Variants in GOSR1 observed in about 807,000 individuals in gnomAD.
The protein encoded by GOSR1 is 28 kDa Golgi SNARE protein.
A neutral mutation model predicts 35.5 loss-of-function variants in GOSR1; 21 were observed. The observed-to-expected ratio is 0.59, with a 90% CI of 0.42 to 0.85. GOSR1 has a LOEUF of 0.85. GOSR1 is among the 40% of genes least tolerant of loss of function. The pLI is 0.00. For synonymous variants in GOSR1, 94 were observed against 106.6 expected, an observed-to-expected ratio of 0.88 and a Z score of 0.73; for missense variants, 285 against 309.6, an observed-to-expected ratio of 0.92 and a Z score of 0.60.
In GOSR1 at chr17:30,521,344, G is replaced by A. The variant is rs939407634; in HGVS notation, c.623-910G>A. Among the ~76,000 whole-genome samples the A allele has an allele frequency of 9.9e-5, 15 of 151,140 alleles. 1 individual carries two copies. The highest frequency in any genetic ancestry group is 6.6e-4 in the Admixed American group (10 of 15,182). ...ACTACAGACACGTGCCACCATGCCC[G>A]GCTAATTTTTGTATGTTTTGTAGAG... is the stretch of plus-strand genomic sequence containing the variant. On this transcript the variant is annotated intron_variant, in intron 8 of 8. Transcript: ENST00000451249.
chr17:30,515,764 T>G (rs1262642410), intron 7 of GOSR1, among the ~76,000 whole-genome samples: 1 of 152,198 alleles, frequency 6.6e-6, no homozygotes, highest in Non-Finnish European at 1.5e-5. Flanking sequence ...TTTTTGTTTG[T>G]TTTAGTTTTA....
intron 6 of GOSR1, among the ~76,000 whole-genome samples, chr17:30,497,139 T>C (rs1967034265): frequency 1.3e-5 from 2 of 152,344 alleles, no homozygotes; most frequent in South Asian, 4.1e-4. Context: ...CTGTAAAGCC[T>C]GTAATCTCCG....
rs574134219 is a variant in GOSR1, at chr17:30,492,940, CT to C, written c.509+188del. Among the ~76,000 whole-genome samples, 259 of 152,082 alleles carry C rather than the reference CT, an allele frequency of 1.7e-3. 2 individuals are homozygous for C. Among genetic ancestry groups the C allele is most frequent in the Non-Finnish European group, 2.9e-3 (196 of 67,986 alleles). On this transcript the variant is annotated intron_variant, in intron 6 of 8. Coordinates refer to ENST00000451249, the MANE Select transcript of GOSR1 (RefSeq NM_001007025.2). ...GTTCCAACCATAATTAGGAAAGATC[CT>C]ATGCTGTTGAATATTTCACATCACT...
rs1234695068 is a variant in GOSR1 at position 30,484,213 on chromosome 17, G to A, written c.147-1G>A. The stretch of plus-strand genomic sequence containing the variant: ...TCCTCTTTAACTGAACTTCTTTTTA[G>A]TTCTGATACAACACCCCTTTTAAAT... On this transcript the variant is annotated splice_acceptor_variant, in intron 2 of 8. Transcript: ENST00000451249. LOFTEE classifies it high-confidence loss of function. The A allele has an allele frequency of 1.8e-5, 28 of 1,563,266 alleles. No homozygotes were observed. The highest frequency in any genetic ancestry group is 2.5e-5 in the Non-Finnish European group (28 of 1,134,036).
chr17:30,492,522 C>T (rs79447635), intron 5 of GOSR1, among the ~76,000 whole-genome samples, 157 bp from the exon 6 acceptor site: 1,917 of 152,316 alleles, frequency 0.013, 36 homozygotes, highest in African/African-American at 0.044. Context: ...AAATAGATAA[C>T]ATTTTTCAGA....
chr17:30,484,526 CTTGTTTG>C, intron 3 of GOSR1, 130 bp from the exon 4 acceptor site: 1 of 584,498 alleles, frequency 1.7e-6, no homozygotes, highest in Admixed American at 3.6e-5. Flanking sequence ...TACTTGCTCT[CTTGTTTG>C]TTTTTTGTTT....
At chr17:30,501,838 T>C (rs1967222532) in intron 6 of GOSR1, among the ~76,000 whole-genome samples, 1 of 152,248 alleles carries the variant, frequency 6.6e-6, no homozygotes, top group African/African-American at 2.4e-5. Flanking sequence ...CCATACATTC[T>C]AGCAGTCATG....
intron 4 of GOSR1, among the ~76,000 whole-genome samples, chr17:30,486,639 A>G (rs2143650032): frequency 6.6e-6 from 1 of 152,354 alleles, no homozygotes; most frequent in South Asian, 2.1e-4. Context: ...GTTAGAAACA[A>G]TTAAATTCAG....
At chr17:30,488,559 AG>A in intron 4 of GOSR1, among the ~76,000 whole-genome samples, 1 of 146,970 alleles carries the variant, frequency 6.8e-6, no homozygotes, top group South Asian at 2.1e-4. Context: ...TTTGAAACAG[AG>A]TCTCGCTCTG....
At chr17:30,478,997 C>T (rs556609655) in intron 1 of GOSR1, 1 of 152,272 alleles carries the variant, frequency 6.6e-6, no homozygotes, top group South Asian at 2.1e-4. Flanking sequence ...CTGCTGTAAG[C>T]ATATGATTAC....
chr17:30,521,387 T>C (rs781665125), intron 8 of GOSR1, among the ~76,000 whole-genome samples: 4 of 151,814 alleles, frequency 2.6e-5, no homozygotes, highest in Admixed American at 2.6e-4. Context: ...TTCACCATGT[T>C]GCCCAGGCGA....
intron 7 of GOSR1, among the ~76,000 whole-genome samples, chr17:30,515,701 C>T (rs193247405): frequency 6.6e-6 from 1 of 152,290 alleles, no homozygotes; most frequent in African/African-American, 2.4e-5. Context: ...TTGCTTGACT[C>T]ATAATTTTAT....
chr17:30,512,644 G>A (rs577742810), intron 7 of GOSR1, among the ~76,000 whole-genome samples: 114 of 152,310 alleles, frequency 7.5e-4, no homozygotes, highest in African/African-American at 2.6e-3. Context: ...CCTGAAGAAA[G>A]TTTTCACAGA....
At chr17:30,484,128 G>A (rs1914523469) in intron 2 of GOSR1, 86 bp from the exon 3 acceptor site, 7 of 750,478 alleles carry the variant, frequency 9.3e-6, no homozygotes, top group South Asian at 5.9e-5. Context: ...TCATTTTATG[G>A]CTCCTATTAA....
At chr17:30,515,136 G>C (rs987255073) in intron 7 of GOSR1, among the ~76,000 whole-genome samples, 2 of 151,994 alleles carry the variant, frequency 1.3e-5, no homozygotes, top group African/African-American at 4.8e-5. Flanking sequence ...GACTCCAAAA[G>C]AGGATGAGCT....
At chr17:30,492,560 A>T in intron 5 of GOSR1, 119 bp from the exon 6 acceptor site, 1 of 624,792 alleles carries the variant, frequency 1.6e-6, no homozygotes, top group Non-Finnish European at 2.9e-6. Flanking sequence ...ATGTACTTTC[A>T]TTGTTCATTC....
chr17:30,485,801 C>G lies in GOSR1; in HGVS notation c.342+1031C>G, dbSNP rs944859500. On this transcript the variant is annotated intron_variant, in intron 4 of 8. Transcript: ENST00000451249. The stretch of plus-strand genomic sequence containing the variant: ...CTTTGGGAGGCCAAGGCAGGTGGAT[C>G]ACCTGAGGTCAGGAGTTGGAGACCA... Among the ~76,000 whole-genome samples, 15 of 152,280 alleles carry G rather than the reference C, an allele frequency of 9.9e-5. 1 individual carries two copies. Among genetic ancestry groups the G allele is most frequent in the Admixed American group, 5.2e-4 (8 of 15,294 alleles).
intron 7 of GOSR1, among the ~76,000 whole-genome samples, chr17:30,514,378 C>T (rs973212582): frequency 6.6e-6 from 1 of 152,216 alleles, no homozygotes; most frequent in East Asian, 1.9e-4. Flanking sequence ...CCTTATTATG[C>T]TGAACCATGT....
intron 5 of GOSR1, among the ~76,000 whole-genome samples, chr17:30,491,198 G>C (rs1447831443): frequency 6.6e-6 from 1 of 152,092 alleles, no homozygotes. Context: ...ATAGGGGATG[G>C]TCTTTAATGT....
Sources: allele counts gnomAD v4.1 joint callset (sites outside exome capture counted in the v4.1 genomes callset), GRCh38; gene constraint gnomAD v4.1.1; transcripts MANE v1.5; gene names NCBI Gene and HGNC (gene_info 2026-07-23, HGNC 2026-07-21).